NR1H4: variants seen among roughly 807,000 people sequenced by gnomAD.
NR1H4 encodes bile acid receptor.
Under a neutral mutation model 58.5 loss-of-function variants are expected in NR1H4, and 23 were observed. The observed-to-expected ratio is 0.39, with a 90% CI of 0.28 to 0.56. The LOEUF (loss-of-function observed/expected upper bound fraction) is 0.56. Among genes scored for constraint, NR1H4 ranks in the 20% least tolerant of loss-of-function variants. The probability of loss-of-function intolerance (pLI) is 0.58; values close to 1 mark genes in which losing one functional copy is unlikely to be tolerated. For synonymous variants in NR1H4, 214 were observed against 198.0 expected, an observed-to-expected ratio of 1.08 and a Z score of -0.68; for missense variants, 487 against 576.9, an observed-to-expected ratio of 0.84 and a Z score of 1.60.
intron 1 of NR1H4, among the ~76,000 whole-genome samples, chr12:100,491,235 C>T (rs920435735): frequency 1.3e-5 from 2 of 152,070 alleles, no homozygotes; most frequent in Non-Finnish European, 2.9e-5. Flanking sequence ...GCTGTTCCTT[C>T]CACTCCATTT....
At chr12:100,553,949 A>G (rs567900137) in intron 9 of NR1H4, among the ~76,000 whole-genome samples, 2 of 152,208 alleles carry the variant, frequency 1.3e-5, no homozygotes, top group South Asian at 4.2e-4. Context: ...CCCTAACTAC[A>G]CCAACCTCTG....
chr12:100,518,128 TTC>T (rs61199171), intron 4 of NR1H4, among the ~76,000 whole-genome samples: 164 of 152,316 alleles, frequency 1.1e-3, no homozygotes, highest in African/African-American at 3.6e-3. Flanking sequence ...GAATTTTTCT[TTC>T]TGTCTTGTGA....
At chr12:100,534,530 A>G (rs554072128) in intron 5 of NR1H4, among the ~76,000 whole-genome samples, 1 of 152,312 alleles carries the variant, frequency 6.6e-6, no homozygotes, top group African/African-American at 2.4e-5. Flanking sequence ...TCATTGACTG[A>G]ATCCCTTGCA....
At chr12:100,492,974 G>A (rs867513698) in intron 2 of NR1H4, among the ~76,000 whole-genome samples, 1 of 151,806 alleles carries the variant, frequency 6.6e-6, no homozygotes, top group African/African-American at 2.4e-5. Flanking sequence ...TAGTCAAAAT[G>A]TCATCATATC....
intron 1 of NR1H4, among the ~76,000 whole-genome samples, chr12:100,491,084 T>C (rs7295087): frequency 0.048 from 7,367 of 152,256 alleles, 608 homozygotes; most frequent in African/African-American, 0.17. Flanking sequence ...CAGTAGCCAC[T>C]GTGCCTAGCC....
chr12:100,482,056 C>T (rs756653152), intron 1 of NR1H4, among the ~76,000 whole-genome samples: 3 of 152,044 alleles, frequency 2.0e-5, no homozygotes, highest in African/African-American at 4.8e-5. Context: ...GAGCTAAGAT[C>T]GCACCACTGC....
chr12:100,558,779 C>A (rs370698734), intron 9 of NR1H4, among the ~76,000 whole-genome samples: 4 of 152,240 alleles, frequency 2.6e-5, no homozygotes, highest in Non-Finnish European at 5.9e-5. Context: ...TACAAGTGGC[C>A]GAGGTGGCTA....
intron 9 of NR1H4, among the ~76,000 whole-genome samples, chr12:100,556,148 T>C (rs1181640229): frequency 6.6e-6 from 1 of 152,098 alleles, no homozygotes; most frequent in Non-Finnish European, 1.5e-5. Flanking sequence ...AAAATTTAAA[T>C]CCAAAAAAAT....
intron 1 of NR1H4, among the ~76,000 whole-genome samples, chr12:100,486,491 G>A (rs1176261053): frequency 2.6e-5 from 4 of 152,182 alleles, no homozygotes; most frequent in Non-Finnish European, 4.4e-5. Context: ...GCACATTTGA[G>A]CAAATGGAGA....
chr12:100,500,672 G>A (rs1325482772), intron 3 of NR1H4, among the ~76,000 whole-genome samples: 3 of 152,146 alleles, frequency 2.0e-5, no homozygotes, highest in Non-Finnish European at 2.9e-5. Flanking sequence ...GTTTCCCCAT[G>A]CTGTTCTCAT....
intron 9 of NR1H4, among the ~76,000 whole-genome samples, chr12:100,558,933 A>G (rs1955397610): frequency 6.6e-6 from 1 of 152,178 alleles, no homozygotes; most frequent in East Asian, 1.9e-4. Flanking sequence ...ACCTCTCTGT[A>G]TCTACCTCAC....
At chr12:100,525,710 G>A (rs891345794) in intron 4 of NR1H4, among the ~76,000 whole-genome samples, 17 of 152,220 alleles carry the variant, frequency 1.1e-4, no homozygotes, top group Non-Finnish European at 2.1e-4. Flanking sequence ...TACAGAATTG[G>A]TATCATTTCT....
chr12:100,514,119 C>G (rs920853224), intron 4 of NR1H4, among the ~76,000 whole-genome samples: 1 of 152,178 alleles, frequency 6.6e-6, no homozygotes, highest in Non-Finnish European at 1.5e-5. Context: ...TTAGCACTAA[C>G]ATGAATTGTC....
chr12:100,545,081 A>G (rs1455358363), intron 9 of NR1H4, among the ~76,000 whole-genome samples: 1 of 152,032 alleles, frequency 6.6e-6, no homozygotes, highest in Non-Finnish European at 1.5e-5. Context: ...TGGTTGTTCT[A>G]TCTTTCTTTC....
At chr12:100,502,068 G>T (rs1038286260) in intron 3 of NR1H4, among the ~76,000 whole-genome samples, 2 of 152,180 alleles carry the variant, frequency 1.3e-5, no homozygotes, top group Non-Finnish European at 2.9e-5. Flanking sequence ...TAACATCAAT[G>T]TAGTGATGAT....
chr12:100,552,920 TAA>T (rs397958763), intron 9 of NR1H4, among the ~76,000 whole-genome samples: 1 of 109,078 alleles, frequency 9.2e-6, no homozygotes, highest in Non-Finnish European at 1.8e-5. Context: ...GATTCTGTCA[TAA>T]AAAAAAAAAA....
intron 3 of NR1H4, chr12:100,500,020 A>G: frequency 2.2e-6 from 1 of 454,976 alleles, no homozygotes; most frequent in Non-Finnish European, 4.4e-6. Context: ...CAACACACCT[A>G]TAAGGTAGGT....
intron 3 of NR1H4, among the ~76,000 whole-genome samples, chr12:100,501,185 C>T (rs1953826091): frequency 6.6e-6 from 1 of 151,466 alleles, no homozygotes; most frequent in Non-Finnish European, 1.5e-5. Context: ...TTATTTTGGC[C>T]AGTGAAAAAC....
chr12:100,510,586 T>C (rs1954080482), intron 3 of NR1H4, among the ~76,000 whole-genome samples, 192 bp from the exon 4 acceptor site: 1 of 145,520 alleles, frequency 6.9e-6, no homozygotes, highest in South Asian at 2.1e-4. Context: ...TTTTTCTGAA[T>C]TTTTAATTTG....
Sources: gnomAD v4.1 joint callset for allele counts (sites outside exome capture counted in the v4.1 genomes callset) on GRCh38, gnomAD v4.1.1 for gene constraint, MANE v1.5 for transcripts, NCBI Gene and HGNC (gene_info 2026-07-23, HGNC 2026-07-21) for gene names.